PRKN: variants seen among roughly 807,000 people sequenced by gnomAD.
The protein encoded by PRKN is E3 ubiquitin-protein ligase parkin.
PRKN carries 56 observed loss-of-function variants against 59.5 expected under a neutral mutation model. That is an observed-to-expected ratio of 0.94 (90% CI 0.76 to 1.18). The LOEUF is 1.18. PRKN is among the 50% of genes most tolerant of loss of function. The pLI, the probability that PRKN is intolerant of heterozygous loss-of-function variation, is 0.00. For synonymous variants in PRKN, 250 were observed against 222.1 expected, an observed-to-expected ratio of 1.13 and a Z score of -1.12; for missense variants, 657 against 596.4, an observed-to-expected ratio of 1.10 and a Z score of -1.06.
chr6:162,184,743 A>G (rs993392420), intron 4 of PRKN, among the ~76,000 whole-genome samples: 16 of 152,128 alleles, frequency 1.1e-4, no homozygotes, highest in African/African-American at 3.4e-4. Context: ...CCTTTTGCTG[A>G]TCCCCACTGA....
At chr6:162,063,820 C>CAA (rs565867351) in intron 4 of PRKN, among the ~76,000 whole-genome samples, 203 of 152,348 alleles carry the variant, frequency 1.3e-3, no homozygotes, top group African/African-American at 4.8e-3. Context: ...TCCGGGATTA[C>CAA]AGGCAAGAGC....
At chr6:162,377,986 C>A (rs1786212499) in intron 2 of PRKN, among the ~76,000 whole-genome samples, 1 of 152,186 alleles carries the variant, frequency 6.6e-6, no homozygotes, top group African/African-American at 2.4e-5. Flanking sequence ...CCCAGTCTCT[C>A]CCAGCAGAGT....
At chr6:161,828,929 C>CAA (rs11301137) in intron 6 of PRKN, among the ~76,000 whole-genome samples, 6 of 125,272 alleles carry the variant, frequency 4.8e-5, no homozygotes, top group African/African-American at 1.5e-4. Flanking sequence ...GACTCCATCT[C>CAA]AAAAAAAAAA....
intron 7 of PRKN, among the ~76,000 whole-genome samples, chr6:161,631,970 A>G (rs891626785): frequency 6.6e-6 from 1 of 152,156 alleles, no homozygotes; most frequent in African/African-American, 2.4e-5. Context: ...GTCGTTAACT[A>G]TTTCTTGTTG....
At chr6:162,431,043 AGT>A (rs1431916167) in intron 2 of PRKN, among the ~76,000 whole-genome samples, 4 of 152,080 alleles carry the variant, frequency 2.6e-5, no homozygotes, top group Non-Finnish European at 5.9e-5. Flanking sequence ...CGCCGCCTTC[AGT>A]GTTATTATGT....
intron 6 of PRKN, among the ~76,000 whole-genome samples, chr6:161,920,162 T>C (rs1426626270): frequency 6.6e-6 from 1 of 151,952 alleles, no homozygotes; most frequent in Non-Finnish European, 1.5e-5. Flanking sequence ...GGCAGGCGGA[T>C]CACTTAAGGT....
At chr6:161,398,304 G>A (rs1786861401) in intron 9 of PRKN, among the ~76,000 whole-genome samples, 1 of 152,052 alleles carries the variant, frequency 6.6e-6, no homozygotes, top group South Asian at 2.1e-4. Flanking sequence ...TGAATTGAAG[G>A]GACGCCCATC....
At chr6:161,858,896 T>C (rs1472109960) in intron 6 of PRKN, among the ~76,000 whole-genome samples, 2 of 122,556 alleles carry the variant, frequency 1.6e-5, no homozygotes, top group African/African-American at 6.0e-5. Flanking sequence ...AGGCTCGCTC[T>C]TGTTGCCTAG....
intron 7 of PRKN, among the ~76,000 whole-genome samples, chr6:161,712,043 T>G (rs534457550): frequency 6.6e-6 from 1 of 152,304 alleles, no homozygotes; most frequent in Admixed American, 6.5e-5. Flanking sequence ...TCAATTATCT[T>G]TAATAAACTC....
chr6:161,874,845 A>AATGTATAAG (rs1794630731), intron 6 of PRKN, among the ~76,000 whole-genome samples: 1 of 103,758 alleles, frequency 9.6e-6, no homozygotes, highest in African/African-American at 4.1e-5. Context: ...TAATATATAA[A>AATGTATAAG]ATATATAAAA....
intron 1 of PRKN, among the ~76,000 whole-genome samples, chr6:162,545,922 G>A (rs1458247638): frequency 1.3e-5 from 2 of 152,070 alleles, no homozygotes; most frequent in African/African-American, 4.8e-5. Flanking sequence ...AGGTGACTTA[G>A]TTCAGGGTTG....
chr6:162,491,629 A>G (rs1792820362), intron 1 of PRKN, among the ~76,000 whole-genome samples: 1 of 152,288 alleles, frequency 6.6e-6, no homozygotes, highest in South Asian at 2.1e-4. Flanking sequence ...CTCATACACA[A>G]GCCTGGGGGA....
At chr6:162,536,019 T>A (rs1445336512) in intron 1 of PRKN, among the ~76,000 whole-genome samples, 2 of 151,988 alleles carry the variant, frequency 1.3e-5, no homozygotes, top group East Asian at 3.9e-4. Context: ...TATTTACACA[T>A]CAAACTATAG....
chr6:161,991,112 A>G (rs1455438971), intron 5 of PRKN, among the ~76,000 whole-genome samples: 2 of 152,218 alleles, frequency 1.3e-5, no homozygotes, highest in East Asian at 1.9e-4. Context: ...TGCTGAATGA[A>G]AAAACATGCT....
At chr6:162,727,534 G>A (rs887637359) in intron 1 of PRKN, 128 bp downstream of exon 1, 12 of 1,066,072 alleles carry the variant, frequency 1.1e-5, no homozygotes, top group Admixed American at 8.9e-5. Flanking sequence ...GGCCGGGGAC[G>A]GCACGGGCAC....
chr6:162,686,113 T>C (rs561583093), intron 1 of PRKN, among the ~76,000 whole-genome samples: 4 of 152,282 alleles, frequency 2.6e-5, no homozygotes, highest in East Asian at 1.9e-4. Flanking sequence ...TTTTAAAATA[T>C]TAAACATAAT....
chr6:162,302,933 C>T (rs919158733), intron 2 of PRKN, among the ~76,000 whole-genome samples: 5 of 148,212 alleles, frequency 3.4e-5, no homozygotes, highest in African/African-American at 1.2e-4. Context: ...ATGCTAAGGG[C>T]CTATGGGTGA....
rs547163476 is a variant in PRKN, at chr6:161,450,610, G to A, written c.1084-63733C>T. The stretch of plus-strand genomic sequence containing the variant: ...CTCGCTCTGTCACCCAGGCTGGAGT[G>A]CAGTGGTGTGATCTCAGCTCACTGC... On this transcript the variant is annotated intron_variant, in intron 9 of 11. Coordinates refer to ENST00000366898, the MANE Select transcript of PRKN (RefSeq NM_004562.3). 1.1e-4 allele frequency among the ~76,000 whole-genome samples: 17 copies of A among 152,026 alleles called. No individual in the cohort carries two copies. The East Asian group carries it at 2.9e-3, about 26-fold the overall frequency.
At position 161,353,836 on chromosome 6, in the gene PRKN, G is replaced by A. The variant is rs1309440468; in HGVS notation, c.1286-3625C>T. ...CTGAGGGATCAGACACTATTTCCTG[G>A]TAGACAGCGCCAGGGTTGAAGAGCA... On this transcript the variant is annotated intron_variant, in intron 11 of 11. Coordinates refer to ENST00000366898, the MANE Select transcript of PRKN (RefSeq NM_004562.3). This position sits in a 1 kb window ranked among gnomAD's most constrained non-coding sequence, Gnocchi z 4.8. Among the ~76,000 whole-genome samples the A allele has an allele frequency of 6.6e-6, 1 of 152,140 alleles. No individual in the cohort carries two copies. Among genetic ancestry groups the A allele is most frequent in the East Asian group, 1.9e-4 (1 of 5,180 alleles).
Sources: gnomAD v4.1 joint callset for allele counts (sites outside exome capture counted in the v4.1 genomes callset) on GRCh38, gnomAD v4.1.1 for gene constraint, Gnocchi (gnomAD v3.1) non-coding constraint, MANE v1.5 for transcripts, NCBI Gene and HGNC (gene_info 2026-07-23, HGNC 2026-07-21) for gene names.